Variants in CCDC13 observed in about 807,000 individuals in gnomAD.
CCDC13 encodes the protein coiled-coil domain containing 13, also known as coiled-coil domain-containing protein 13.
In CCDC13, 70 loss-of-function variants were observed where a neutral mutation model predicts 87.3. That is an observed-to-expected ratio of 0.80 (90% CI 0.66 to 0.98). The LOEUF (loss-of-function observed/expected upper bound fraction) is 0.98. CCDC13 is among the 50% of genes least tolerant of loss of function. The pLI is 0.00. For synonymous variants in CCDC13, 317 were observed against 360.3 expected, an observed-to-expected ratio of 0.88 and a Z score of 1.36; for missense variants, 842 against 892.0, an observed-to-expected ratio of 0.94 and a Z score of 0.71.
chr3:42,758,130 C>T lies in CCDC13; in HGVS notation c.216G>A (p.Glu72=). The part of the protein sequence containing the change: ...AGEPNSKNSF[E]KRVLEDEIEH... ...GATTTCAAACTTGCATTTACCTCTT[C>T]TCAAAGCTATTTTTCGAGTTTGGCT... Residue 72 remains glutamate, a synonymous_variant, in exon 2 of 16, where the codon GAG becomes GAA. Transcript: ENST00000310232. 1 of 1,613,508 alleles carries T rather than the reference C, an allele frequency of 6.2e-7. No individual in the cohort carries two copies. Among genetic ancestry groups the T allele is most frequent in the Non-Finnish European group, 8.5e-7 (1 of 1,179,802 alleles).
intron 13 of CCDC13, among the ~76,000 whole-genome samples, chr3:42,728,958 C>A (rs1248430814): frequency 1.3e-5 from 2 of 152,118 alleles, no homozygotes; most frequent in African/African-American, 4.8e-5. Context: ...TGGAGAGGCC[C>A]TGAAAATGAG....
chr3:42,765,164 C>T (rs559966129), intron 1 of CCDC13, among the ~76,000 whole-genome samples: 9 of 152,242 alleles, frequency 5.9e-5, no homozygotes, highest in African/African-American at 2.2e-4. Context: ...CTGATACTTA[C>T]GAACTTCACA....
At chr3:42,747,226 C>A (rs377364951) in intron 6 of CCDC13, 31 bp downstream of exon 6, 16 of 1,553,266 alleles carry the variant, frequency 1.0e-5, no homozygotes, top group Non-Finnish European at 1.4e-5. Flanking sequence ...CCCAGCCACA[C>A]AAGAAGCCCC....
chr3:42,764,063 A>C (rs1699886587), intron 1 of CCDC13, among the ~76,000 whole-genome samples: 1 of 152,238 alleles, frequency 6.6e-6, no homozygotes, highest in African/African-American at 2.4e-5. Flanking sequence ...AATTGGTTAA[A>C]AGAGTTACTA....
chr3:42,713,438 T>A, intron 13 of CCDC13, 122 bp from the exon 14 acceptor site: 1 of 915,228 alleles, frequency 1.1e-6, no homozygotes, highest in Non-Finnish European at 1.6e-6. Flanking sequence ...GACCTCTTCA[T>A]TTTCATTGCA....
At chr3:42,712,467 G>A (rs578204373) in intron 14 of CCDC13, among the ~76,000 whole-genome samples, 117 of 152,320 alleles carry the variant, frequency 7.7e-4, no homozygotes, top group Middle Eastern at 3.4e-3. Context: ...GTGTTCGAGC[G>A]ATAGACTTTT....
chr3:42,755,004 G>T, intron 3 of CCDC13, among the ~76,000 whole-genome samples: 1 of 151,954 alleles, frequency 6.6e-6, no homozygotes, highest in Non-Finnish European at 1.5e-5. Flanking sequence ...TAATAGTTGA[G>T]CAAAAAGTAT....
At chr3:42,765,752 C>G (rs1210426872) in intron 1 of CCDC13, among the ~76,000 whole-genome samples, 1 of 152,064 alleles carries the variant, frequency 6.6e-6, no homozygotes, top group Admixed American at 6.5e-5. Context: ...GGGACGGTGC[C>G]TGAGTGGGGG....
intron 6 of CCDC13, chr3:42,746,906 G>T (rs1699413141): frequency 5.0e-6 from 2 of 401,242 alleles, no homozygotes; most frequent in Admixed American, 3.7e-5. Flanking sequence ...GACATTAAGG[G>T]GAGACCCAGG....
intron 7 of CCDC13, 44 bp downstream of exon 7, chr3:42,745,879 T>A (rs2125899128): frequency 6.5e-7 from 1 of 1,528,476 alleles, no homozygotes; most frequent in South Asian, 1.1e-5. Flanking sequence ...TGGGGTGTTT[T>A]AAATCCTTTG....
chr3:42,718,221 G>C, intron 13 of CCDC13: 1 of 152,108 alleles, frequency 6.6e-6, no homozygotes, highest in East Asian at 1.9e-4. Flanking sequence ...CAGTAAAAAA[G>C]GTGGTCCAAA....
intron 9 of CCDC13, among the ~76,000 whole-genome samples, chr3:42,737,858 G>A (rs1170447838): frequency 6.6e-6 from 1 of 152,042 alleles, no homozygotes; most frequent in Non-Finnish European, 1.5e-5. Flanking sequence ...CATTCTTTAG[G>A]TTGCCTGTTC....
At chr3:42,739,108 T>A (rs1699127392) in intron 9 of CCDC13, among the ~76,000 whole-genome samples, 1 of 152,238 alleles carries the variant, frequency 6.6e-6, no homozygotes, top group African/African-American at 2.4e-5. Context: ...TATAGTCAGA[T>A]AAACCTGCTT....
At chr3:42,733,642 G>A in intron 10 of CCDC13, 33 bp from the exon 11 acceptor site, 1 of 1,568,122 alleles carries the variant, frequency 6.4e-7, no homozygotes, top group South Asian at 1.2e-5. Context: ...CATCCTCAGG[G>A]CTTTGGCTCA....
chr3:42,729,750 G>T (rs144214985), intron 13 of CCDC13, among the ~76,000 whole-genome samples: 204 of 152,320 alleles, frequency 1.3e-3, no homozygotes, highest in African/African-American at 4.7e-3. Context: ...CCAAAAATCT[G>T]CCTTTCACTG....
chr3:42,750,369 C>T (rs1338450886), intron 5 of CCDC13, among the ~76,000 whole-genome samples: 1 of 152,216 alleles, frequency 6.6e-6, no homozygotes, highest in African/African-American at 2.4e-5. Context: ...GGGGCCATCT[C>T]TGAAGGCCCT....
At chr3:42,760,578 T>C (rs564338160) in intron 1 of CCDC13, among the ~76,000 whole-genome samples, 2 of 150,812 alleles carry the variant, frequency 1.3e-5, no homozygotes, top group Admixed American at 1.3e-4. Flanking sequence ...GATTGAGCCA[T>C]TGCACTCCAG....
At chr3:42,772,288 A>ATAAT (rs1193529153) in intron 1 of CCDC13, among the ~76,000 whole-genome samples, 1 of 81,790 alleles carries the variant, frequency 1.2e-5, no homozygotes, top group South Asian at 4.6e-4. Context: ...AAAAAAAAAA[A>ATAAT]AAGTAATAAT....
chr3:42,713,388 C>CCCATCTCTCTAAGGG, intron 13 of CCDC13, 72 bp from the exon 14 acceptor site: 1 of 1,501,990 alleles, frequency 6.7e-7, no homozygotes, highest in South Asian at 1.2e-5. Flanking sequence ...CTTGCTCAGG[C>CCCATCTCTCTAAGGG]CCTTAGAGAG....
Sources: gnomAD v4.1 joint callset for allele counts (sites outside exome capture counted in the v4.1 genomes callset) on GRCh38, gnomAD v4.1.1 for gene constraint, MANE v1.5 for transcripts, NCBI Gene and HGNC (gene_info 2026-07-23, HGNC 2026-07-21) for gene names.